Variants in ARHGAP39 observed in about 807,000 individuals in gnomAD.
ARHGAP39 encodes rho GTPase-activating protein 39.
Under a neutral mutation model 106.9 loss-of-function variants are expected in ARHGAP39, and 44 were observed. The ratio of observed to expected loss-of-function variants is 0.41; its 90% confidence interval spans 0.32 to 0.53. The LOEUF is 0.53. ARHGAP39 is among the 20% of genes least tolerant of loss of function. The pLI is 0.21. For synonymous variants in ARHGAP39, 768 were observed against 693.2 expected (o/e 1.11, Z -1.69); for missense variants, 1,496 against 1,577.3 (o/e 0.95, Z 0.87).
At chr8:144,650,453 A>AAT (rs1554611588) in intron 1 of ARHGAP39, among the ~76,000 whole-genome samples, 1 of 152,060 alleles carries the variant, frequency 6.6e-6, no homozygotes, top group African/African-American at 2.4e-5. Context: ...AACAACAAAA[A>AAT]ATATATATAT....
At chr8:144,619,845 C>T (rs550785007) in intron 1 of ARHGAP39, among the ~76,000 whole-genome samples, 50 of 118,444 alleles carry the variant, frequency 4.2e-4, no homozygotes, top group South Asian at 1.3e-3. Flanking sequence ...TGCCCATGTG[C>T]GAGCTTGTGT....
rs1247033680 is a variant in ARHGAP39, at chr8:144,605,693, GCA to G, written c.-81_-80del. The G allele has an allele frequency of 8.5e-6, 12 of 1,418,056 alleles. No individual in the cohort carries two copies. Among genetic ancestry groups the G allele is most frequent in the African/African-American group, 2.8e-5 (2 of 71,210 alleles). 87.8% of individuals were successfully genotyped at this position (1,418,056 alleles called of 1,614,324 possible). ...CGCCAGCATCAGACGGGAAGGTGCC[GCA>G]CTGCAAGAGGGGAGAAGCAACAGTG... On this transcript the variant is annotated splice_region_variant and 5_prime_UTR_variant, in exon 2 of 12. It removes the in-frame stop codon of an upstream open reading frame in the 5' UTR. Coordinates refer to ENST00000377307, the MANE Select transcript of ARHGAP39 (RefSeq NM_025251.3).
chr8:144,556,728 G>C (rs1288735630), intron 3 of ARHGAP39, among the ~76,000 whole-genome samples: 9 of 68,902 alleles, frequency 1.3e-4, no homozygotes, highest in South Asian at 5.7e-4. Context: ...GAGGCAAAAG[G>C]CTGAACCTTC....
chr8:144,563,347 T>A (rs1011732045), intron 3 of ARHGAP39, among the ~76,000 whole-genome samples: 1 of 152,236 alleles, frequency 6.6e-6, no homozygotes, highest in Non-Finnish European at 1.5e-5. Context: ...CAGAAATCAA[T>A]GATAAATATT....
intron 1 of ARHGAP39, among the ~76,000 whole-genome samples, chr8:144,622,719 C>T (rs1397281511): frequency 6.6e-6 from 1 of 152,238 alleles, no homozygotes; most frequent in African/African-American, 2.4e-5. Flanking sequence ...AAAAATCTAT[C>T]ACTGGGTTGG....
chr8:144,682,244 C>CA (rs1199836499), intron 1 of ARHGAP39, among the ~76,000 whole-genome samples: 1,838 of 30,256 alleles, frequency 0.061, 121 homozygotes, highest in African/African-American at 0.14. Context: ...GACTCTATCT[C>CA]AAAAAAAAAA....
At position 144,670,065 on chromosome 8, in the gene ARHGAP39, T is replaced by A. The variant is rs1463541686; in HGVS notation, c.-82+15621A>T. 1.3e-5 allele frequency among the ~76,000 whole-genome samples: 2 copies of A among 152,202 alleles called. No homozygotes were observed. The highest frequency in any genetic ancestry group is 2.9e-5 in the Non-Finnish European group (2 of 68,036). ...CAAAATGCCCAGCAATGGATGAAAG[T>A]CTAAAGGAAACGGGGTTGACCTGTA... On this transcript the variant is annotated intron_variant, in intron 1 of 11. Coordinates refer to ENST00000377307, the MANE Select transcript of ARHGAP39 (RefSeq NM_025251.3). This position sits in a 1 kb window ranked among gnomAD's most constrained non-coding sequence, Gnocchi z 4.4.
intron 2 of ARHGAP39, 142 bp downstream of exon 2, chr8:144,605,393 G>A: frequency 4.7e-6 from 4 of 853,194 alleles, no homozygotes; most frequent in Non-Finnish European, 7.4e-6. Context: ...GGTGGCATCG[G>A]CCATCCAGGC....
At chr8:144,584,182 T>C (rs1297169597) in intron 2 of ARHGAP39, 1 of 152,214 alleles carries the variant, frequency 6.6e-6, no homozygotes, top group Non-Finnish European at 1.5e-5. Flanking sequence ...CTCATGCCTG[T>C]AATCCCAGCA....
At chr8:144,699,546 G>A in the ARHGAP39 span, among the ~76,000 whole-genome samples, 4 of 147,550 alleles carry the variant, frequency 2.7e-5, no homozygotes, top group Non-Finnish European at 4.5e-5. Flanking sequence ...GAGGCGCTGT[G>A]GGGCAAGGTG....
chr8:144,653,518 G>T (rs997341769), intron 1 of ARHGAP39, among the ~76,000 whole-genome samples: 1 of 152,086 alleles, frequency 6.6e-6, no homozygotes, highest in South Asian at 2.1e-4. Flanking sequence ...CCACCTTCCC[G>T]TCAGGAACCT....
At chr8:144,691,134 T>C in the ARHGAP39 span, among the ~76,000 whole-genome samples, 33 of 152,294 alleles carry the variant, frequency 2.2e-4, no homozygotes, top group African/African-American at 7.2e-4. Flanking sequence ...CCATCCAGTG[T>C]GCAGACCTTG....
chr8:144,575,711 T>C (rs1818746935), intron 3 of ARHGAP39, among the ~76,000 whole-genome samples: 1 of 152,160 alleles, frequency 6.6e-6, no homozygotes, highest in Non-Finnish European at 1.5e-5. Context: ...ATAAAAACTA[T>C]GGTATAGTGA....
In ARHGAP39 at chr8:144,615,140, C is replaced by A. The variant is rs1820600557; in HGVS notation, c.-81-9445G>T. Among the ~76,000 whole-genome samples, 7 of 152,290 alleles carry A rather than the reference C, an allele frequency of 4.6e-5. No individual in the cohort carries two copies. In the South Asian group the frequency reaches 1.5e-3, roughly 32 times the overall value. On this transcript the variant is annotated intron_variant, in intron 1 of 11. Coordinates refer to ENST00000377307, the MANE Select transcript of ARHGAP39 (RefSeq NM_025251.3). The stretch of plus-strand genomic sequence containing the variant: ...GTTCGAGACCAGCTGGGCAAGATGG[C>A]AAAACCTCACCTCTACCAAAAAATA...
At chr8:144,643,402 G>A (rs1821361111) in intron 1 of ARHGAP39, among the ~76,000 whole-genome samples, 1 of 152,160 alleles carries the variant, frequency 6.6e-6, no homozygotes, top group Admixed American at 6.5e-5. Flanking sequence ...GCAGTGAGCT[G>A]TGATCATGCC....
intron 1 of ARHGAP39, among the ~76,000 whole-genome samples, chr8:144,669,818 T>C (rs1822056484): frequency 6.6e-6 from 1 of 152,190 alleles, no homozygotes; most frequent in African/African-American, 2.4e-5. Flanking sequence ...ATCACTGAGA[T>C]GTCACTTCAC....
the ARHGAP39 span, among the ~76,000 whole-genome samples, chr8:144,692,649 A>G: frequency 6.6e-6 from 1 of 151,806 alleles, no homozygotes; most frequent in African/African-American, 2.4e-5. Flanking sequence ...CCGCCGCACC[A>G]CTAATGCTCC....
chr8:144,569,574 C>A (rs542044577), intron 3 of ARHGAP39, among the ~76,000 whole-genome samples: 5 of 152,102 alleles, frequency 3.3e-5, no homozygotes, highest in Non-Finnish European at 5.9e-5. Context: ...CTACAAAACA[C>A]AAATTAATCT....
At chr8:144,639,224 G>T (rs1344716993) in intron 1 of ARHGAP39, among the ~76,000 whole-genome samples, 1 of 151,636 alleles carries the variant, frequency 6.6e-6, no homozygotes. Context: ...TACTTGGGAG[G>T]CTGAGGCAGG....
Sources: allele counts gnomAD v4.1 joint callset (sites outside exome capture counted in the v4.1 genomes callset), GRCh38; gene constraint gnomAD v4.1.1; non-coding constraint Gnocchi (gnomAD v3.1); transcripts MANE v1.5; gene names NCBI Gene and HGNC (gene_info 2026-07-23, HGNC 2026-07-21).